The following KCNQ1 variants were observed in gnomAD, a reference collection of about 807,000 sequenced individuals.
KCNQ1 encodes the protein potassium voltage-gated channel subfamily Q member 1.
In KCNQ1, 49 loss-of-function variants were observed where a neutral mutation model predicts 72.4. The observed-to-expected ratio is 0.68, with a 90% CI of 0.54 to 0.86. The LOEUF (loss-of-function observed/expected upper bound fraction) is 0.86. KCNQ1 is among the 40% of genes least tolerant of loss of function. The pLI is 0.00. For missense variants in KCNQ1, 790 were observed against 945.1 expected (o/e 0.84, Z 2.15); for synonymous variants, 450 against 412.6 (o/e 1.09, Z -1.10).
intron 1 of KCNQ1, among the ~76,000 whole-genome samples, chr11:2,470,560 C>A (rs904509638): frequency 1.3e-5 from 2 of 151,992 alleles, no homozygotes; most frequent in East Asian, 3.9e-4. Context: ...TCTGTTCAGC[C>A]CTTTGGGAAG....
intron 10 of KCNQ1, chr11:2,618,753 A>C (rs1296361128): frequency 7.5e-6 from 3 of 398,384 alleles, no homozygotes; most frequent in Non-Finnish European, 1.3e-5. Flanking sequence ...GATTTTATTC[A>C]ATCTGTATAT....
rs553556005 is a variant in KCNQ1 at position 2,720,316 on chromosome 11, T to G, written c.1515-48528T>G. Among the ~76,000 whole-genome samples, 85 of 152,298 alleles carry G rather than the reference T, an allele frequency of 5.6e-4. No individual in the cohort carries two copies. Among genetic ancestry groups the G allele is most frequent in the African/African-American group, 1.7e-3 (71 of 41,578 alleles). ...GGCAGCTCTCCTCATCCATCCTATG[T>G]GTACACTCAGGCACGTACTCCCTGG... On this transcript the variant is annotated intron_variant, in intron 11 of 15. Coordinates refer to ENST00000155840, the MANE Select transcript of KCNQ1 (RefSeq NM_000218.3). This position sits in a 1 kb window ranked among gnomAD's most constrained non-coding sequence, Gnocchi z 5.1.
intron 15 of KCNQ1, among the ~76,000 whole-genome samples, chr11:2,839,372 C>G (rs574200620): frequency 6.6e-6 from 1 of 152,376 alleles, no homozygotes; most frequent in East Asian, 1.9e-4. Flanking sequence ...ACATGAATGT[C>G]CGCACGGAGC....
At chr11:2,775,418 T>C (rs763935118) in intron 12 of KCNQ1, among the ~76,000 whole-genome samples, 1 of 152,208 alleles carries the variant, frequency 6.6e-6, no homozygotes, top group Non-Finnish European at 1.5e-5. Context: ...GCTAAGGCCG[T>C]CATCTGGGGC....
chr11:2,759,540 C>T lies in KCNQ1; in HGVS notation c.1515-9304C>T, dbSNP rs566540887. On this transcript the variant is annotated intron_variant, in intron 11 of 15. Transcript: ENST00000155840. The surrounding 1 kb of genome is among the most constrained non-coding windows in gnomAD (Gnocchi z 4.4). ...CCTAGGACGCACAGGTGTGGGACCT[C>T]ACTGCGCGGGAGGGAGTTGCAAAGA... is the stretch of plus-strand genomic sequence containing the variant. 3.9e-5 allele frequency among the ~76,000 whole-genome samples: 6 copies of T among 152,330 alleles called. No individual in the cohort carries two copies. In the South Asian group the frequency reaches 1.2e-3, roughly 32 times the overall value.
chr11:2,655,223 G>T (rs187563226), intron 10 of KCNQ1: 138 of 398,654 alleles, frequency 3.5e-4, no homozygotes, highest in African/African-American at 2.5e-3. Flanking sequence ...TAGTCGCCAC[G>T]CCCGAGGCTG....
rs1849278170 is a variant in KCNQ1 at position 2,627,376 on chromosome 11, A to G, written c.1394-34585A>G. The G allele has an allele frequency of 1.8e-5, 7 of 398,388 alleles. No homozygotes were observed. The highest frequency in any genetic ancestry group is 2.7e-5 in the Non-Finnish European group (6 of 226,046). The allele number at this position is 398,388 out of a possible 1,614,324, so 24.7% of individuals were successfully genotyped here. A position where few individuals can be genotyped will look rare whatever the true frequency, so the allele number is the denominator to read the frequency against. On this transcript the variant is annotated intron_variant, in intron 10 of 15. Transcript: ENST00000155840. This position sits in a 1 kb window ranked among gnomAD's most constrained non-coding sequence, Gnocchi z 4.9. Reference sequence around the variant, plus strand: ...ATTCCAAGTATAGAATATATTAACTATAGTCACCAATCTGGACGTTATGTC... The same window carrying G: ...ATTCCAAGTATAGAATATATTAACTGTAGTCACCAATCTGGACGTTATGTC...
At position 2,698,604 on chromosome 11, in the gene KCNQ1, A is replaced by C; in HGVS notation, c.1514+36523A>C. The stretch of plus-strand genomic sequence containing the variant: ...CACCTAGAGGCAGAACTTCGACTTC[A>C]ATTCCTGACTCCCATACCCCACTGA... On this transcript the variant is annotated intron_variant, in intron 11 of 15. Coordinates refer to ENST00000155840, the MANE Select transcript of KCNQ1 (RefSeq NM_000218.3). This position sits in a 1 kb window ranked among gnomAD's most constrained non-coding sequence, Gnocchi z 5.1. The C allele has an allele frequency of 2.5e-6, 1 of 397,962 alleles. No homozygotes were observed. The highest frequency in any genetic ancestry group is 1.3e-4 in the South Asian group (1 of 7,814). The allele number at this position is 397,962 out of a possible 1,614,324, so 24.7% of individuals were successfully genotyped here.
intron 11 of KCNQ1, chr11:2,685,469 C>A (rs1850471118): frequency 5.0e-6 from 2 of 398,722 alleles, no homozygotes; most frequent in Non-Finnish European, 8.8e-6. Flanking sequence ...CAGTGCAACT[C>A]CCATCTCACA....
rs1849258865 is a variant in KCNQ1 at position 2,626,151 on chromosome 11, A to C, written c.1394-35810A>C. Reference sequence around the variant, plus strand: ...TACAAGAAGCACTGCCAATGATGTAAAGTTTTTCCCCTATGTTTCCTTATA... The same window carrying C: ...TACAAGAAGCACTGCCAATGATGTACAGTTTTTCCCCTATGTTTCCTTATA... On this transcript the variant is annotated intron_variant, in intron 10 of 15. Coordinates refer to ENST00000155840, the MANE Select transcript of KCNQ1 (RefSeq NM_000218.3). This position sits in a 1 kb window ranked among gnomAD's most constrained non-coding sequence, Gnocchi z 4.0. 3 of 397,476 alleles carry C rather than the reference A, an allele frequency of 7.5e-6. No individual in the cohort carries two copies. The highest frequency in any genetic ancestry group is 1.3e-5 in the Non-Finnish European group (3 of 226,058). The allele number at this position is 397,476 out of a possible 1,614,324, so 24.6% of individuals were successfully genotyped here. A position where few individuals can be genotyped will look rare whatever the true frequency, so the allele number is the denominator to read the frequency against.
chr11:2,688,027 G>A (rs1850521382), intron 11 of KCNQ1: 1 of 398,720 alleles, frequency 2.5e-6, no homozygotes, highest in Non-Finnish European at 4.4e-6. Context: ...TCTAGGCTTG[G>A]GCAGGCACAC....
chr11:2,552,670 C>T (rs1183334153), intron 2 of KCNQ1, among the ~76,000 whole-genome samples: 4 of 152,182 alleles, frequency 2.6e-5, no homozygotes, highest in South Asian at 2.1e-4. Context: ...TTAGTAATAC[C>T]GAGTTTTCTG....
At chr11:2,814,696 G>A (rs907253117) in intron 15 of KCNQ1, among the ~76,000 whole-genome samples, 1 of 152,082 alleles carries the variant, frequency 6.6e-6, no homozygotes, top group Non-Finnish European at 1.5e-5. Flanking sequence ...GAGCAAGCAG[G>A]CTTGGATGAG....
intron 7 of KCNQ1, among the ~76,000 whole-genome samples, chr11:2,584,367 ATGTTAGTG>A (rs2133752465): frequency 6.7e-6 from 1 of 149,782 alleles, no homozygotes; most frequent in African/African-American, 2.5e-5. Context: ...GTTTTAGTGT[ATGTTAGTG>A]TGTTTGTGTG....
At chr11:2,597,438 T>TG (rs1463787081) in intron 10 of KCNQ1, among the ~76,000 whole-genome samples, 1 of 152,166 alleles carries the variant, frequency 6.6e-6, no homozygotes, top group Non-Finnish European at 1.5e-5. Flanking sequence ...TACCCATCAG[T>TG]GGAGGTCTGC....
intron 10 of KCNQ1, chr11:2,656,504 G>A (rs1008842663): frequency 5.0e-6 from 2 of 398,562 alleles, no homozygotes; most frequent in African/African-American, 4.1e-5. Flanking sequence ...ATGAGCTCCT[G>A]AGTTTATTTA....
chr11:2,577,695 C>G (rs771082434), intron 6 of KCNQ1, among the ~76,000 whole-genome samples: 3 of 152,198 alleles, frequency 2.0e-5, no homozygotes, highest in Non-Finnish European at 4.4e-5. Flanking sequence ...CTTGTTCCCC[C>G]ACCCCCACCT....
At chr11:2,527,205 G>A (rs879604044) in intron 1 of KCNQ1, among the ~76,000 whole-genome samples, 1 of 152,184 alleles carries the variant, frequency 6.6e-6, no homozygotes, top group Non-Finnish European at 1.5e-5. Context: ...TCGGCCTCGG[G>A]GCCTTGGAAA....
At chr11:2,680,990 A>G (rs544159689) in intron 11 of KCNQ1, 1 of 398,542 alleles carries the variant, frequency 2.5e-6, no homozygotes, top group East Asian at 3.6e-5. Context: ...ATCATAGGTG[A>G]AATAGGTATG....
Sources: gnomAD v4.1 joint callset for allele counts (sites outside exome capture counted in the v4.1 genomes callset) on GRCh38, gnomAD v4.1.1 for gene constraint, Gnocchi (gnomAD v3.1) non-coding constraint, MANE v1.5 for transcripts, NCBI Gene and HGNC (gene_info 2026-07-23, HGNC 2026-07-21) for gene names.